FAR1: variants seen among roughly 807,000 people sequenced by gnomAD.
FAR1 encodes fatty acyl-CoA reductase 1.
In FAR1, 22 loss-of-function variants were observed where a neutral mutation model predicts 61.1. The observed-to-expected ratio is 0.36, with a 90% CI of 0.26 to 0.51. FAR1 has a LOEUF of 0.51. Among genes scored for constraint, FAR1 ranks in the 20% least tolerant of loss-of-function variants. FAR1 has a pLI of 0.95. For missense variants in FAR1, 359 were observed against 626.9 expected, an observed-to-expected ratio of 0.57 and a Z score of 4.56; for synonymous variants, 206 against 209.7, an observed-to-expected ratio of 0.98 and a Z score of 0.15.
intron 3 of FAR1, among the ~76,000 whole-genome samples, chr11:13,701,345 A>T (rs2134184742): frequency 6.6e-6 from 1 of 152,250 alleles, no homozygotes; most frequent in South Asian, 2.1e-4. Flanking sequence ...CCCTGATTTA[A>T]TTACTATACA....
Position 13,707,778 on chromosome 11 carries a change from G to A in FAR1, c.366-122G>A, listed in dbSNP as rs572307006. On this transcript the variant is annotated intron_variant, in intron 3 of 11. Coordinates refer to ENST00000354817, the MANE Select transcript of FAR1 (RefSeq NM_032228.6). ...AAAATACACAAAATCACAGCTAAAG[G>A]ATAAGTTGTAAAGAAACAAAAATTT... The A allele has an allele frequency of 1.3e-3, 685 of 546,164 alleles. 4 individuals are homozygous for A. Among genetic ancestry groups the A allele is most frequent in the Non-Finnish European group, 1.4e-3 (487 of 349,222 alleles). The allele number at this position is 546,164 out of a possible 1,614,324, so 33.8% of individuals were successfully genotyped here.
intron 9 of FAR1, chr11:13,720,048 T>G (rs1052010690): frequency 3.3e-5 from 5 of 152,226 alleles, no homozygotes; most frequent in African/African-American, 9.6e-5. Context: ...TCCAGTATTT[T>G]TGTTGCATGA....
At chr11:13,696,209 C>T (rs1017266236) in intron 2 of FAR1, among the ~76,000 whole-genome samples, 3 of 152,186 alleles carry the variant, frequency 2.0e-5, no homozygotes, top group African/African-American at 7.2e-5. Flanking sequence ...TGATACTCCT[C>T]TCCCCCCAGT....
At chr11:13,699,170 G>A (rs550164274) in intron 2 of FAR1, among the ~76,000 whole-genome samples, 2 of 152,126 alleles carry the variant, frequency 1.3e-5, no homozygotes, top group African/African-American at 4.8e-5. Context: ...CAGCTTGTGT[G>A]TGGTCTTTTA....
chr11:13,711,859 T>G (rs1272770248), intron 6 of FAR1, 51 bp downstream of exon 6: 1 of 1,558,152 alleles, frequency 6.4e-7, no homozygotes, highest in Non-Finnish European at 8.8e-7. Flanking sequence ...TTCTGCTTTT[T>G]GTATATCTTT....
chr11:13,695,067 T>TA lies in FAR1; in HGVS notation c.189+117dup, dbSNP rs143770401. 0.17 allele frequency: 134,825 copies of TA among 800,762 alleles called. 6,821 individuals are homozygous for TA. The highest frequency in any genetic ancestry group is 0.19 in the South Asian group (4,523 of 23,412). 49.6% of individuals were successfully genotyped at this position (800,762 alleles called of 1,614,324 possible). On this transcript the variant is annotated intron_variant, in intron 2 of 11. Coordinates refer to ENST00000354817, the MANE Select transcript of FAR1 (RefSeq NM_032228.6). ...TTCTTCAGTATTCTGAAAAAATTAG[T>TA]AAAACAAAAAAACTTAGTAAGTTCC...
At chr11:13,680,526 C>T (rs141565349) in intron 1 of FAR1, among the ~76,000 whole-genome samples, 19 of 152,278 alleles carry the variant, frequency 1.2e-4, no homozygotes, top group East Asian at 1.2e-3. Context: ...ACAAGAAGCA[C>T]GGCATCAGTA....
chr11:13,686,452 A>G (rs1848186451), intron 1 of FAR1: 1 of 152,188 alleles, frequency 6.6e-6, no homozygotes, highest in African/African-American at 2.4e-5. Context: ...AATTAATTTG[A>G]GTTGTTTTAA....
chr11:13,708,638 G>T (rs184501206), intron 4 of FAR1, among the ~76,000 whole-genome samples: 20 of 152,184 alleles, frequency 1.3e-4, no homozygotes, highest in Admixed American at 9.2e-4. Context: ...TCTTATTAGT[G>T]ATATTAGGGG....
chr11:13,715,934 C>T (rs1848550446), intron 9 of FAR1: 1 of 152,090 alleles, frequency 6.6e-6, no homozygotes, highest in African/African-American at 2.4e-5. Context: ...GATCTGAGTT[C>T]CTCGTAGGTA....
At chr11:13,698,898 G>A (rs1460000705) in intron 2 of FAR1, among the ~76,000 whole-genome samples, 2 of 151,788 alleles carry the variant, frequency 1.3e-5, no homozygotes, top group Admixed American at 1.3e-4. Flanking sequence ...TTTTTAATGT[G>A]GCTTAAAAGG....
rs941713995 is a variant in FAR1, at chr11:13,721,405, G to A, written c.1128-325G>A. The stretch of plus-strand genomic sequence containing the variant: ...AAATATTAATTGAATCCATTCATTT[G>A]CTTAGTATTTTATGTAGAAAATTTA... On this transcript the variant is annotated intron_variant, in intron 9 of 11. Coordinates refer to ENST00000354817, the MANE Select transcript of FAR1 (RefSeq NM_032228.6). This position sits in a 1 kb window ranked among gnomAD's most constrained non-coding sequence, Gnocchi z 4.2. 1 of 174,958 alleles carries A rather than the reference G, an allele frequency of 5.7e-6. No homozygotes were observed. The highest frequency in any genetic ancestry group is 2.4e-5 in the African/African-American group (1 of 42,068). The allele number at this position is 174,958 out of a possible 1,614,324, so 10.8% of individuals were successfully genotyped here.
chr11:13,708,409 C>T (rs138811011), intron 4 of FAR1, among the ~76,000 whole-genome samples: 1 of 149,626 alleles, frequency 6.7e-6, no homozygotes, highest in Non-Finnish European at 1.5e-5. Context: ...CCTCCCTCTT[C>T]TCCTCACCCC....
intron 3 of FAR1, 139 bp from the exon 4 acceptor site, chr11:13,707,761 C>A: frequency 2.0e-6 from 1 of 496,090 alleles, no homozygotes; most frequent in Non-Finnish European, 3.2e-6. Flanking sequence ...ATAAAATACA[C>A]AAAATCACAG....
chr11:13,700,242 G>GA (rs1299020864), intron 2 of FAR1, 75 bp from the exon 3 acceptor site: 27 of 1,116,644 alleles, frequency 2.4e-5, no homozygotes, highest in African/African-American at 6.6e-5. Context: ...TCCTTGGTGG[G>GA]AAAAAAATGG....
In FAR1 at chr11:13,714,616, G is replaced by A. The variant is rs1362607602; in HGVS notation, c.1063G>A (p.Val355Ile). Reference protein sequence around the residue: ...NHLLYHYWIAVSHKAPAFLYD... With the variant: ...NHLLYHYWIAISHKAPAFLYD... Reference sequence around the variant, plus strand: ...TCTTTTATATCATTACTGGATTGCTGTAAGCCATAAGGCCCCAGCATTCCT... The same window carrying A: ...TCTTTTATATCATTACTGGATTGCTATAAGCCATAAGGCCCCAGCATTCCT... Residue 355 changes from valine (V) to isoleucine (I), a missense_variant, in exon 9 of 12, where the codon GTA (valine) becomes ATA (isoleucine). Transcript: ENST00000354817. 6.2e-7 allele frequency: 1 copy of A among 1,613,464 alleles called. No homozygotes were observed. The highest frequency in any genetic ancestry group is 1.7e-4 in the Middle Eastern group (1 of 6,052).
chr11:13,689,546 A>G (rs1274736312), intron 1 of FAR1, among the ~76,000 whole-genome samples: 5 of 152,246 alleles, frequency 3.3e-5, no homozygotes, highest in Admixed American at 3.3e-4. Context: ...TATATTGTTG[A>G]TGAACACTTG....
In FAR1 at chr11:13,714,396, C is replaced by T. The variant is rs187277364; in HGVS notation, c.956-113C>T. On this transcript the variant is annotated intron_variant, in intron 8 of 11. Coordinates refer to ENST00000354817, the MANE Select transcript of FAR1 (RefSeq NM_032228.6). Reference sequence around the variant, plus strand: ...TAGAAAAGTTTGTTTTTTAAATGTACGAACTCTGACATCTTTGGTAAAATA... The same window carrying T: ...TAGAAAAGTTTGTTTTTTAAATGTATGAACTCTGACATCTTTGGTAAAATA... 5.8e-5 allele frequency: 62 copies of T among 1,064,746 alleles called. No homozygotes were observed. In the South Asian group the frequency reaches 6.3e-4, roughly 11 times the overall value. The allele number at this position is 1,064,746 out of a possible 1,614,324, so 66.0% of individuals were successfully genotyped here. A position where few individuals can be genotyped will look rare whatever the true frequency, so the allele number is the denominator to read the frequency against.
intron 1 of FAR1, among the ~76,000 whole-genome samples, chr11:13,674,170 G>C (rs533146078): frequency 1.3e-5 from 2 of 151,962 alleles, no homozygotes; most frequent in Non-Finnish European, 1.5e-5. Context: ...TTAGCCGGGC[G>C]TGGTGGCGCC....
Sources: allele counts gnomAD v4.1 joint callset (sites outside exome capture counted in the v4.1 genomes callset), GRCh38; gene constraint gnomAD v4.1.1; non-coding constraint Gnocchi (gnomAD v3.1); transcripts MANE v1.5; gene names NCBI Gene and HGNC (gene_info 2026-07-23, HGNC 2026-07-21).